FHIT: variants seen among roughly 807,000 people sequenced by gnomAD.
FHIT encodes bis(5'-adenosyl)-triphosphatase.
A neutral mutation model predicts 17.9 loss-of-function variants in FHIT; 19 were observed. That is an observed-to-expected ratio of 1.06 (90% CI 0.74 to 1.56). FHIT has a LOEUF of 1.56. Among genes scored for constraint, FHIT ranks in the 40% most tolerant of loss-of-function variants. The pLI is 0.00. For missense variants in FHIT, 248 were observed against 189.2 expected (o/e 1.31, Z -1.82); for synonymous variants, 81 against 69.7 (o/e 1.16, Z -0.81).
At chr3:60,335,049 T>G (rs1224305639) in intron 5 of FHIT, among the ~76,000 whole-genome samples, 1 of 152,206 alleles carries the variant, frequency 6.6e-6, no homozygotes, top group Non-Finnish European at 1.5e-5. Flanking sequence ...TGAAGTAAAC[T>G]TTTATTAAAA....
chr3:60,050,038 GAA>G (rs1267676569), intron 5 of FHIT, among the ~76,000 whole-genome samples: 4 of 152,120 alleles, frequency 2.6e-5, no homozygotes, highest in Non-Finnish European at 5.9e-5. Flanking sequence ...TCAGAATACT[GAA>G]AGTGTACATA....
intron 8 of FHIT, among the ~76,000 whole-genome samples, chr3:59,855,663 C>G (rs1702124018): frequency 6.6e-6 from 1 of 150,800 alleles, no homozygotes; most frequent in Admixed American, 6.6e-5. Context: ...TCATATTTAG[C>G]AAAAGAAAAA....
rs768812859 is a variant in FHIT, at chr3:60,536,859, C to T, written c.103+1G>A. ...TCTCCAAAAAAAAAAAGAAAGGATA[C>T]GTCCTGGTACCACAGGTTTCCTATT... On this transcript the variant is annotated splice_donor_variant, in intron 5 of 9. Transcript: ENST00000492590. LOFTEE classifies it high-confidence loss of function. 14 of 1,588,182 alleles carry T rather than the reference C, an allele frequency of 8.8e-6. No homozygotes were observed. The highest frequency in any genetic ancestry group is 1.7e-4 in the Middle Eastern group (1 of 5,932).
At chr3:59,836,179 CT>C (rs1290880130) in intron 8 of FHIT, among the ~76,000 whole-genome samples, 2 of 152,056 alleles carry the variant, frequency 1.3e-5, no homozygotes, top group African/African-American at 4.8e-5. Flanking sequence ...GAAAAAGTTT[CT>C]TGCTAGATGC....
intron 5 of FHIT, among the ~76,000 whole-genome samples, chr3:60,211,060 T>G (rs1348599683): frequency 3.1e-5 from 1 of 32,338 alleles, no homozygotes; most frequent in Admixed American, 3.5e-4. Flanking sequence ...TGGAGTACTA[T>G]AAAACCGTAA....
chr3:60,905,517 G>T (rs1378706924), intron 3 of FHIT, among the ~76,000 whole-genome samples: 1 of 152,054 alleles, frequency 6.6e-6, no homozygotes, highest in Non-Finnish European at 1.5e-5. Context: ...ATGAAAAAAC[G>T]TGGACATAAA....
At chr3:60,026,759 T>C (rs1451380117) in intron 5 of FHIT, among the ~76,000 whole-genome samples, 1 of 152,184 alleles carries the variant, frequency 6.6e-6, no homozygotes, top group Non-Finnish European at 1.5e-5. Flanking sequence ...TTTTTCAAGC[T>C]ATGTTTAGAC....
chr3:59,855,388 TA>T (rs1702110975), intron 8 of FHIT, among the ~76,000 whole-genome samples: 1 of 152,364 alleles, frequency 6.6e-6, no homozygotes, highest in East Asian at 1.9e-4. Flanking sequence ...TACAGGGTTT[TA>T]TTGCATGTAT....
At chr3:59,875,211 A>C (rs1008882672) in intron 8 of FHIT, among the ~76,000 whole-genome samples, 12 of 152,126 alleles carry the variant, frequency 7.9e-5, no homozygotes, top group Admixed American at 2.6e-4. Flanking sequence ...TATGATTTTG[A>C]ATGCTTCTTT....
At chr3:61,170,151 G>T (rs961832472) in intron 2 of FHIT, among the ~76,000 whole-genome samples, 1 of 152,116 alleles carries the variant, frequency 6.6e-6, no homozygotes, top group African/African-American at 2.4e-5. Context: ...TTCATCATAG[G>T]TAATAGCAAA....
intron 5 of FHIT, among the ~76,000 whole-genome samples, chr3:60,142,740 TCTCAAACTCCTGGC>T (rs1177006599): frequency 1.3e-5 from 2 of 150,998 alleles, no homozygotes; most frequent in African/African-American, 4.9e-5. Flanking sequence ...CCCAGGCTGG[TCTCAAACTCCTGGC>T]CTCAAATGAT....
At chr3:60,005,626 G>C (rs577155195) in intron 7 of FHIT, among the ~76,000 whole-genome samples, 3 of 152,278 alleles carry the variant, frequency 2.0e-5, no homozygotes, top group African/African-American at 7.2e-5. Flanking sequence ...TGAGGGCAGA[G>C]ATGCAAATTT....
intron 8 of FHIT, among the ~76,000 whole-genome samples, chr3:59,848,519 T>C (rs578194999): frequency 6.6e-6 from 1 of 152,334 alleles, no homozygotes; most frequent in South Asian, 2.1e-4. Flanking sequence ...ATATTTAGAA[T>C]ATCTTCTAAA....
At chr3:59,917,093 T>C (rs1057268721) in intron 8 of FHIT, among the ~76,000 whole-genome samples, 7 of 152,220 alleles carry the variant, frequency 4.6e-5, no homozygotes, top group African/African-American at 7.2e-5. Flanking sequence ...ATCAGCAATA[T>C]AATGGTTCTC....
rs545547264 is a variant in FHIT, at chr3:60,179,344, G to A, written c.104-165192C>T. 8.5e-5 allele frequency among the ~76,000 whole-genome samples: 13 copies of A among 152,330 alleles called. 1 individual carries two copies. The highest frequency in any genetic ancestry group is 1.7e-4 in the African/African-American group (7 of 41,578). On this transcript the variant is annotated intron_variant, in intron 5 of 9. Transcript: ENST00000492590. ...GCCCTTTCCCCTATATCACAGTGGT[G>A]TAATCTTTTCACACTATGCATACTT...
chr3:60,099,460 C>A (rs1056579117), intron 5 of FHIT, among the ~76,000 whole-genome samples: 1 of 152,146 alleles, frequency 6.6e-6, no homozygotes, highest in African/African-American at 2.4e-5. Context: ...GGTCACTCAG[C>A]TGGGATTCTG....
At chr3:60,118,576 TTGGTC>T (rs1176445961) in intron 5 of FHIT, among the ~76,000 whole-genome samples, 1 of 152,038 alleles carries the variant, frequency 6.6e-6, no homozygotes, top group African/African-American at 2.4e-5. Context: ...TTTAGAATCT[TTGGTC>T]TCCCCAGAGG....
At chr3:60,664,172 C>T (rs189863539) in intron 4 of FHIT, among the ~76,000 whole-genome samples, 173 of 152,174 alleles carry the variant, frequency 1.1e-3, no homozygotes, top group South Asian at 5.0e-3. Flanking sequence ...TTTTGTCAGA[C>T]GCCTTTTTAT....
intron 8 of FHIT, among the ~76,000 whole-genome samples, chr3:59,756,331 C>A (rs1037242997): frequency 6.6e-6 from 1 of 152,146 alleles, no homozygotes; most frequent in Non-Finnish European, 1.5e-5. Context: ...TCTAAAGTGA[C>A]CCTCACTAAT....
Sources: allele counts gnomAD v4.1 joint callset (sites outside exome capture counted in the v4.1 genomes callset), GRCh38; gene constraint gnomAD v4.1.1; transcripts MANE v1.5; gene names NCBI Gene and HGNC (gene_info 2026-07-23, HGNC 2026-07-21).